Variants in PLBD1 observed in about 807,000 individuals in gnomAD.
PLBD1 encodes the protein phospholipase B domain containing 1.
In PLBD1, 60 loss-of-function variants were observed where a neutral mutation model predicts 63.0. That is an observed-to-expected ratio of 0.95 (90% CI 0.77 to 1.18). The LOEUF (loss-of-function observed/expected upper bound fraction) is 1.18. Among genes scored for constraint, PLBD1 ranks in the 50% most tolerant of loss-of-function variants. PLBD1 has a pLI of 0.00. For missense variants in PLBD1, 598 were observed against 677.9 expected, an observed-to-expected ratio of 0.88 and a Z score of 1.31; for synonymous variants, 262 against 248.0, an observed-to-expected ratio of 1.06 and a Z score of -0.53.
At chr12:14,550,080 C>T (rs1246168137) in intron 2 of PLBD1, among the ~76,000 whole-genome samples, 1 of 152,190 alleles carries the variant, frequency 6.6e-6, no homozygotes, top group Admixed American at 6.5e-5. Flanking sequence ...CCCAGCCAAA[C>T]GCAGTAGTTC....
intron 2 of PLBD1, among the ~76,000 whole-genome samples, chr12:14,552,272 A>G (rs1290940465): frequency 1.3e-5 from 2 of 152,132 alleles, no homozygotes; most frequent in Non-Finnish European, 2.9e-5. Context: ...TTGCAACTTT[A>G]TTTTCCTTAA....
At chr12:14,535,535 ATTGT>A (rs1945505834) in intron 6 of PLBD1, 120 bp downstream of exon 6, 5 of 1,042,526 alleles carry the variant, frequency 4.8e-6, no homozygotes, top group Non-Finnish European at 7.0e-6. Context: ...TGAAAATCAG[ATTGT>A]TTGTTAATAT....
Position 14,534,704 on chromosome 12 carries a change from T to C in PLBD1, c.844+955A>G, listed in dbSNP as rs543781272. 1.2e-4 allele frequency among the ~76,000 whole-genome samples: 19 copies of C among 152,262 alleles called. No individual in the cohort carries two copies. In the South Asian group the frequency reaches 2.5e-3, roughly 20 times the overall value. On this transcript the variant is annotated intron_variant, in intron 6 of 10. Transcript: ENST00000240617. The stretch of plus-strand genomic sequence containing the variant: ...GACTACAGGCGCCCGCCACCACGCC[T>C]GGCTAATTTTTTGTATTTTTAGTAG...
intron 6 of PLBD1, among the ~76,000 whole-genome samples, chr12:14,531,972 A>G (rs1241396227): frequency 1.3e-5 from 2 of 152,234 alleles, no homozygotes; most frequent in Non-Finnish European, 2.9e-5. Flanking sequence ...ACATAAAAAG[A>G]TAAAAGAACA....
In PLBD1 at chr12:14,535,710, C is replaced by T. The variant is rs7957558; in HGVS notation, c.793G>A (p.Val265Ile). 0.97 allele frequency: 1,557,959 copies of T among 1,613,842 alleles called. 755,421 individuals carry two copies. Among genetic ancestry groups the T allele is most frequent in the East Asian group, 0.99 (44,349 of 44,880 alleles). Residue 265 changes from valine (V) to isoleucine (I), a missense_variant, in exon 6 of 11, where the codon GTC (valine) becomes ATC (isoleucine). Val to Ile is a conservative substitution (Grantham distance 29, BLOSUM62 3). Transcript: ENST00000240617. ...CTACTGCTGGTATCTTTATCTATGA[C>T]GTTGAAGTCCCAGTGTTTATATATC... ...LRIYKHWDFNVIDKDTSSSRL... is the reference protein window; with the variant it reads ...LRIYKHWDFNIIDKDTSSSRL...
chr12:14,552,763 G>A (rs1366154478), intron 2 of PLBD1, among the ~76,000 whole-genome samples: 1 of 152,136 alleles, frequency 6.6e-6, no homozygotes, highest in Non-Finnish European at 1.5e-5. Context: ...AAAACAAAAT[G>A]GTTTCATGGG....
At chr12:14,509,200 ACT>A (rs1369320731) in intron 8 of PLBD1, among the ~76,000 whole-genome samples, 3 of 151,964 alleles carry the variant, frequency 2.0e-5, no homozygotes, top group Non-Finnish European at 2.9e-5. Flanking sequence ...TCTGAATTTA[ACT>A]CTCTGTTCTT....
rs543424112 is a variant in PLBD1 at position 14,546,415 on chromosome 12, C to T, written c.336-4124G>A. Among the ~76,000 whole-genome samples the T allele has an allele frequency of 3.9e-5, 6 of 152,186 alleles. No individual in the cohort carries two copies. In the South Asian group the frequency reaches 1.2e-3, roughly 32 times the overall value. On this transcript the variant is annotated intron_variant, in intron 2 of 10. Coordinates refer to ENST00000240617, the MANE Select transcript of PLBD1 (RefSeq NM_024829.6). ...GTGGGCTCTTCACTTACAATGCTCA[C>T]TCAGGTAAAGAAACAAAAAATTCAT...
intron 6 of PLBD1, among the ~76,000 whole-genome samples, chr12:14,513,146 T>C: frequency 6.6e-6 from 1 of 152,294 alleles, no homozygotes; most frequent in South Asian, 2.1e-4. Context: ...GTAAAAATTA[T>C]ATATATTTAT....
intron 6 of PLBD1, among the ~76,000 whole-genome samples, chr12:14,523,551 A>G (rs936468958): frequency 6.6e-6 from 1 of 152,228 alleles, no homozygotes; most frequent in Non-Finnish European, 1.5e-5. Flanking sequence ...ACAAAGCTGG[A>G]AACATCACAC....
rs569564065 is a variant in PLBD1 at position 14,556,713 on chromosome 12, A to G, written c.116-3301T>C. Among the ~76,000 whole-genome samples, 6 of 149,734 alleles carry G rather than the reference A, an allele frequency of 4.0e-5. No homozygotes were observed. In the South Asian group the frequency reaches 1.3e-3, roughly 33 times the overall value. ...TTAAGATTGTCTATCAGCCAGGTGCAGTGGTTCACCGCTGTAATTCCAGCA... is the reference window on the plus strand; with the variant it reads ...TTAAGATTGTCTATCAGCCAGGTGCGGTGGTTCACCGCTGTAATTCCAGCA... On this transcript the variant is annotated intron_variant, in intron 1 of 10. Coordinates refer to ENST00000240617, the MANE Select transcript of PLBD1 (RefSeq NM_024829.6).
chr12:14,523,701 C>A lies in PLBD1; in HGVS notation c.844+11958G>T, dbSNP rs966752104. Among the ~76,000 whole-genome samples, 3 of 152,084 alleles carry A rather than the reference C, an allele frequency of 2.0e-5. No individual in the cohort carries two copies. The South Asian group carries it at 6.2e-4, about 32-fold the overall frequency. On this transcript the variant is annotated intron_variant, in intron 6 of 10. Transcript: ENST00000240617. ...ACACTTACAGCTAATTGATTTTTGA[C>A]AAAGACACTAAGAACACACATTGGA...
intron 2 of PLBD1, among the ~76,000 whole-genome samples, 155 bp downstream of exon 2, chr12:14,553,038 G>A (rs927545595): frequency 2.6e-5 from 4 of 152,094 alleles, no homozygotes; most frequent in African/African-American, 7.2e-5. Flanking sequence ...CCTCACCCCC[G>A]CAAAAATGCA....
At chr12:14,566,057 CA>C (rs2136937779) in intron 1 of PLBD1, among the ~76,000 whole-genome samples, 1 of 152,302 alleles carries the variant, frequency 6.6e-6, no homozygotes, top group African/African-American at 2.4e-5. Flanking sequence ...CCTCCACCTA[CA>C]AAAACACTTA....
At chr12:14,528,432 G>A (rs1165441469) in intron 6 of PLBD1, among the ~76,000 whole-genome samples, 1 of 134,474 alleles carries the variant, frequency 7.4e-6, no homozygotes, top group Non-Finnish European at 1.7e-5. Flanking sequence ...TTGGAAAACA[G>A]TGACAAAGAT....
chr12:14,559,601 G>A (rs1945730966), intron 1 of PLBD1, among the ~76,000 whole-genome samples: 1 of 152,140 alleles, frequency 6.6e-6, no homozygotes, highest in Non-Finnish European at 1.5e-5. Context: ...AGAGCTATTT[G>A]TTGGTATTTT....
At chr12:14,519,610 C>T (rs1591996624) in intron 6 of PLBD1, among the ~76,000 whole-genome samples, 1 of 130,328 alleles carries the variant, frequency 7.7e-6, no homozygotes, top group African/African-American at 2.9e-5. Context: ...CAGAGTGAGA[C>T]ATCATCTTAA....
At chr12:14,522,448 C>A (rs991611810) in intron 6 of PLBD1, among the ~76,000 whole-genome samples, 1 of 152,110 alleles carries the variant, frequency 6.6e-6, no homozygotes, top group African/African-American at 2.4e-5. Context: ...AAAACTAATA[C>A]AAATCCTTTG....
intron 1 of PLBD1, chr12:14,554,221 C>T (rs1216307526): frequency 1.3e-5 from 2 of 152,336 alleles, no homozygotes; most frequent in Non-Finnish European, 2.9e-5. Flanking sequence ...CTCATCACGC[C>T]CATCTCTCCA....
Sources: gnomAD v4.1 joint callset for allele counts (sites outside exome capture counted in the v4.1 genomes callset) on GRCh38, gnomAD v4.1.1 for gene constraint, MANE v1.5 for transcripts, NCBI Gene and HGNC (gene_info 2026-07-23, HGNC 2026-07-21) for gene names.